Variants in REDIC1 observed in about 807,000 individuals in gnomAD.
REDIC1 encodes the protein regulator of DNA class I crossover intermediates 1, also known as HEI10 Interacting Protein 1.
At chr12:39,781,819 G>A in the REDIC1 span, among the ~76,000 whole-genome samples, 1 of 152,218 alleles carries the variant, frequency 6.6e-6, no homozygotes, top group Non-Finnish European at 1.5e-5. Context: ...ACAAAAGTTA[G>A]TGGGTGGGCT....
At chr12:39,904,818 T>C in the REDIC1 span, among the ~76,000 whole-genome samples, 1 of 152,154 alleles carries the variant, frequency 6.6e-6, no homozygotes, top group Non-Finnish European at 1.5e-5. Flanking sequence ...ATTTGTTGAA[T>C]GAATACCTAT....
At chr12:39,833,334 G>GAT in the REDIC1 span, among the ~76,000 whole-genome samples, 1 of 152,048 alleles carries the variant, frequency 6.6e-6, no homozygotes, top group East Asian at 1.9e-4. Context: ...CCCCTGTGGA[G>GAT]ATATTTCGCC....
the REDIC1 span, among the ~76,000 whole-genome samples, chr12:39,732,810 A>G: frequency 6.6e-6 from 1 of 152,186 alleles, no homozygotes; most frequent in Non-Finnish European, 1.5e-5. Flanking sequence ...TTGGCCAAAG[A>G]TGGTTCCTCA....
chr12:39,716,507 T>C, the REDIC1 span, among the ~76,000 whole-genome samples: 1 of 152,056 alleles, frequency 6.6e-6, no homozygotes, highest in Non-Finnish European at 1.5e-5. Context: ...TATTCTGTTT[T>C]CTTCACTTAC....
chr12:39,759,357 C>T, the REDIC1 span: 1 of 152,224 alleles, frequency 6.6e-6, no homozygotes, highest in Non-Finnish European at 1.5e-5. Context: ...TGAAAACAAC[C>T]CGACAGATTA....
chr12:39,765,368 G>A, the REDIC1 span, among the ~76,000 whole-genome samples: 11 of 152,080 alleles, frequency 7.2e-5, no homozygotes, highest in South Asian at 1.0e-3. Flanking sequence ...TTTCTGCTCC[G>A]TGTCCTTGCT....
At chr12:39,712,944 T>C in the REDIC1 span, among the ~76,000 whole-genome samples, 1 of 146,388 alleles carries the variant, frequency 6.8e-6, no homozygotes, top group African/African-American at 2.5e-5. Context: ...TATATACGTG[T>C]ATATACATAT....
the REDIC1 span, among the ~76,000 whole-genome samples, chr12:39,644,730 G>T: frequency 6.6e-6 from 1 of 151,688 alleles, no homozygotes; most frequent in East Asian, 1.9e-4. Context: ...TCTTTTTGAT[G>T]TATTTACCTT....
the REDIC1 span, chr12:39,684,759 C>A: frequency 2.9e-6 from 2 of 700,826 alleles, no homozygotes; most frequent in Non-Finnish European, 4.8e-6. Context: ...TTTAAGAAAG[C>A]TTCCCATATA....
the REDIC1 span, among the ~76,000 whole-genome samples, chr12:39,724,045 T>G: frequency 6.6e-6 from 1 of 152,120 alleles, no homozygotes; most frequent in Non-Finnish European, 1.5e-5. Flanking sequence ...GCATGACTCA[T>G]TTCCCGAGGG....
At chr12:39,706,299 A>C in the REDIC1 span, among the ~76,000 whole-genome samples, 2 of 152,136 alleles carry the variant, frequency 1.3e-5, no homozygotes, top group East Asian at 3.9e-4. Flanking sequence ...CTAATGAAAG[A>C]CTTTGAAGAG....
the REDIC1 span, among the ~76,000 whole-genome samples, chr12:39,737,540 C>T: frequency 1.3e-5 from 2 of 152,180 alleles, no homozygotes; most frequent in Non-Finnish European, 2.9e-5. Context: ...ATGTAGGAGA[C>T]ACCAAAGTAA....
chr12:39,769,589 C>T, the REDIC1 span, among the ~76,000 whole-genome samples: 7 of 151,938 alleles, frequency 4.6e-5, no homozygotes. Flanking sequence ...AGTCTGTCAC[C>T]CTTTCTGAGG....
At chr12:39,842,616 A>C in the REDIC1 span, among the ~76,000 whole-genome samples, 1 of 151,948 alleles carries the variant, frequency 6.6e-6, no homozygotes, top group African/African-American at 2.4e-5. Flanking sequence ...ATTTTTAAAA[A>C]TTTTTTACTG....
chr12:39,781,708 C>A, the REDIC1 span, among the ~76,000 whole-genome samples: 2 of 152,192 alleles, frequency 1.3e-5, no homozygotes, highest in African/African-American at 2.4e-5. Flanking sequence ...TATTTTCCAA[C>A]ACACACAAAC....
the REDIC1 span, among the ~76,000 whole-genome samples, chr12:39,778,791 C>A: frequency 1.3e-5 from 2 of 152,094 alleles, no homozygotes; most frequent in Non-Finnish European, 1.5e-5. Context: ...AACTTAAATA[C>A]CAATGACTGA....
chr12:39,815,257 T>G, the REDIC1 span, among the ~76,000 whole-genome samples: 1 of 152,126 alleles, frequency 6.6e-6, no homozygotes, highest in African/African-American at 2.4e-5. Flanking sequence ...GAATCAAAAA[T>G]AGAAAAAGAG....
chr12:39,814,213 T>G, the REDIC1 span, among the ~76,000 whole-genome samples: 2 of 152,206 alleles, frequency 1.3e-5, no homozygotes, highest in African/African-American at 4.8e-5. Context: ...GCTGGAGTTT[T>G]AATGTCATTG....
At chr12:39,692,028 A>C in the REDIC1 span, 193 of 1,549,054 alleles carry the variant, frequency 1.2e-4, 2 homozygotes, top group Non-Finnish European at 1.3e-5. Context: ...AGGAATTGTT[A>C]ACATTTTGGT....
Sources: allele counts gnomAD v4.1 joint callset (sites outside exome capture counted in the v4.1 genomes callset), GRCh38; gene constraint gnomAD v4.1.1; transcripts MANE v1.5; gene names NCBI Gene and HGNC (gene_info 2026-07-23, HGNC 2026-07-21).